The following RAI1 variants were observed in gnomAD, a reference collection of about 807,000 sequenced individuals.
RAI1 encodes the protein retinoic acid-induced protein 1.
A neutral mutation model predicts 123.8 loss-of-function variants in RAI1; 9 were observed. The observed-to-expected ratio is 0.07, with a 90% CI of 0.04 to 0.13. The LOEUF is 0.13. RAI1 is among the 10% of genes least tolerant of loss of function. RAI1 has a pLI of 1.00. For synonymous variants in RAI1, 1,231 were observed against 1,127.3 expected, an observed-to-expected ratio of 1.09 and a Z score of -1.84; for missense variants, 2,256 against 2,545.8, an observed-to-expected ratio of 0.89 and a Z score of 2.45.
At chr17:17,709,165 G>A (rs1479975971) in intron 1 of RAI1, among the ~76,000 whole-genome samples, 4 of 152,190 alleles carry the variant, frequency 2.6e-5, no homozygotes, top group African/African-American at 9.7e-5. Context: ...GGCCTAGTGT[G>A]CCGGGCACTG....
chr17:17,766,980 G>A (rs2030960857), intron 2 of RAI1, among the ~76,000 whole-genome samples: 1 of 151,974 alleles, frequency 6.6e-6, no homozygotes, highest in African/African-American at 2.4e-5. Flanking sequence ...CAGATGGGAG[G>A]GGAGGGCGGA....
intron 2 of RAI1, among the ~76,000 whole-genome samples, chr17:17,755,407 C>T (rs935731131): frequency 6.6e-6 from 1 of 152,338 alleles, no homozygotes; most frequent in African/African-American, 2.4e-5. Flanking sequence ...ACTGGAACCA[C>T]TTGGCAGGGT....
At chr17:17,791,850 C>T (rs1400257488) in intron 2 of RAI1, among the ~76,000 whole-genome samples, 1 of 152,108 alleles carries the variant, frequency 6.6e-6, no homozygotes, top group Non-Finnish European at 1.5e-5. Flanking sequence ...GAGAGGCTCC[C>T]GCAACCCACC....
chr17:17,703,129 C>G (rs573054395), intron 1 of RAI1, among the ~76,000 whole-genome samples: 4 of 152,312 alleles, frequency 2.6e-5, no homozygotes, highest in African/African-American at 7.2e-5. Flanking sequence ...CTCTTCCTCC[C>G]AACCTGCACC....
chr17:17,706,582 G>C (rs1012145261), intron 1 of RAI1, among the ~76,000 whole-genome samples: 1 of 152,182 alleles, frequency 6.6e-6, no homozygotes, highest in African/African-American at 2.4e-5. Context: ...GGACTGGATG[G>C]GGGTGGCCCT....
chr17:17,713,333 A>G (rs927841944), intron 1 of RAI1, among the ~76,000 whole-genome samples: 1 of 152,068 alleles, frequency 6.6e-6, no homozygotes, highest in African/African-American at 2.4e-5. Context: ...ATATAGTGAG[A>G]TCCTGTCTCT....
intron 2 of RAI1, among the ~76,000 whole-genome samples, chr17:17,739,893 G>C (rs2142966332): frequency 6.6e-6 from 1 of 152,332 alleles, no homozygotes; most frequent in East Asian, 1.9e-4. Context: ...CTTGGGCCCA[G>C]ATGGAGGGCA....
At chr17:17,709,952 C>T (rs546878477) in intron 1 of RAI1, among the ~76,000 whole-genome samples, 6 of 152,262 alleles carry the variant, frequency 3.9e-5, no homozygotes, top group Admixed American at 6.5e-5. Flanking sequence ...CCTGTGGCGG[C>T]GCACCTCACG....
rs1167192442 is a variant in RAI1, at chr17:17,794,522, T to G, written c.1574T>G (p.Leu525Arg). ...ADYLSGSEDP[L>R]ERSFLYCNQA... Reference sequence around the variant, plus strand: ...TACCTGAGCGGCTCCGAGGACCCACTGGAGCGCAGCTTCCTCTACTGCAAC... The same window carrying G: ...TACCTGAGCGGCTCCGAGGACCCACGGGAGCGCAGCTTCCTCTACTGCAAC... The change falls in exon 3 of 6, where the codon CTG becomes CGG. Residue 525 changes from leucine to arginine, a missense_variant. Leu to Arg is a moderately radical substitution (Grantham distance 102). Coordinates refer to ENST00000353383, the MANE Select transcript of RAI1 (RefSeq NM_030665.4). 6.2e-7 allele frequency: 1 copy of G among 1,612,780 alleles called. No homozygotes were observed. The highest frequency in any genetic ancestry group is 1.7e-5 in the Admixed American group (1 of 59,958).
chr17:17,783,252 C>CG (rs902684336), intron 2 of RAI1, among the ~76,000 whole-genome samples: 3 of 151,942 alleles, frequency 2.0e-5, no homozygotes, highest in East Asian at 3.9e-4. Context: ...GGCGCGGGGA[C>CG]GGGGGGGCGC....
At chr17:17,787,198 G>GC (rs1033872657) in intron 2 of RAI1, among the ~76,000 whole-genome samples, 1 of 152,166 alleles carries the variant, frequency 6.6e-6, no homozygotes, top group Admixed American at 6.5e-5. Context: ...TGACCCCTGT[G>GC]CCAGGGTCTG....
intron 3 of RAI1, chr17:17,802,091 A>T: frequency 2.1e-6 from 1 of 470,896 alleles, no homozygotes; most frequent in South Asian, 1.5e-5. Context: ...CCCCGGCCTC[A>T]GGTTTGCTTC....
At chr17:17,695,673 C>G (rs951459082) in intron 1 of RAI1, among the ~76,000 whole-genome samples, 4 of 152,156 alleles carry the variant, frequency 2.6e-5, no homozygotes, top group Non-Finnish European at 4.4e-5. Context: ...ATTACAGGCA[C>G]TTACCACGGC....
chr17:17,811,138 T>A lies in RAI1; in HGVS notation c.*1157T>A. 3.5e-6 allele frequency: 1 copy of A among 283,650 alleles called. No individual in the cohort carries two copies. 17.6% of individuals were successfully genotyped at this position (283,650 alleles called of 1,614,324 possible). The stretch of plus-strand genomic sequence containing the variant: ...AGCTCTGTCCACGCTTCGATAGGCC[T>A]GACGCAGCCCCCAGCCCAGGGCCGC... On this transcript the variant is annotated 3_prime_UTR_variant, in exon 6 of 6. Coordinates refer to ENST00000353383, the MANE Select transcript of RAI1 (RefSeq NM_030665.4).
At chr17:17,721,340 C>A (rs770868129) in intron 1 of RAI1, among the ~76,000 whole-genome samples, 1 of 152,136 alleles carries the variant, frequency 6.6e-6, no homozygotes, top group African/African-American at 2.4e-5. Flanking sequence ...ATTCCAAATA[C>A]GGAAGATACA....
chr17:17,804,109 A>C, intron 4 of RAI1: 2 of 549,120 alleles, frequency 3.6e-6, no homozygotes. Context: ...ATAAATTACA[A>C]TGTGGAATGC....
rs1287443665 is a variant in RAI1, at chr17:17,810,569, G to A, written c.*588G>A. ...GAGGCCGGAGCCTTTGGAACAAACC[G>A]TGCGGAACGCGTCCAGGGGCCTTCC... On this transcript the variant is annotated 3_prime_UTR_variant, in exon 6 of 6. Coordinates refer to ENST00000353383, the MANE Select transcript of RAI1 (RefSeq NM_030665.4). This position sits in a 1 kb window ranked among gnomAD's most constrained non-coding sequence, Gnocchi z 4.6. The A allele has an allele frequency of 1.9e-5, 6 of 323,348 alleles. No individual in the cohort carries two copies. Among genetic ancestry groups the A allele is most frequent in the Non-Finnish European group, 3.7e-5 (6 of 162,200 alleles). 20.0% of individuals were successfully genotyped at this position (323,348 alleles called of 1,614,324 possible).
chr17:17,808,114 C>T (rs1370935155), intron 4 of RAI1, among the ~76,000 whole-genome samples: 1 of 152,134 alleles, frequency 6.6e-6, no homozygotes, highest in African/African-American at 2.4e-5. Flanking sequence ...GGGGTTTGTT[C>T]AGAACAGTGG....
Position 17,684,700 on chromosome 17 carries a change from ATATATATG to A in RAI1, c.-149+2911_-149+2918del, listed in dbSNP as rs1189518164. On this transcript the variant is annotated intron_variant, in intron 1 of 5. Coordinates refer to ENST00000353383, the MANE Select transcript of RAI1 (RefSeq NM_030665.4). ...TATATATATATATATATATATATAT[ATATATATG>A]TATGTATGTATGTATATTACATATA... The A allele has an allele frequency of 3.6e-3, 458 of 125,480 alleles. 1 individual carries two copies. The highest frequency in any genetic ancestry group is 0.016 in the African/African-American group (423 of 27,184). The allele number at this position is 125,480 out of a possible 1,614,324, so 7.8% of individuals were successfully genotyped here. A position where few individuals can be genotyped will look rare whatever the true frequency, so the allele number is the denominator to read the frequency against.
Sources: gnomAD v4.1 joint callset for allele counts (sites outside exome capture counted in the v4.1 genomes callset) on GRCh38, gnomAD v4.1.1 for gene constraint, Gnocchi (gnomAD v3.1) non-coding constraint, MANE v1.5 for transcripts, NCBI Gene and HGNC (gene_info 2026-07-23, HGNC 2026-07-21) for gene names.